The following TSPAN18 variants were observed in gnomAD, a reference collection of about 807,000 sequenced individuals.
TSPAN18 encodes the protein tetraspanin-18.
A neutral mutation model predicts 27.3 loss-of-function variants in TSPAN18; 14 were observed. The ratio of observed to expected loss-of-function variants is 0.51; its 90% CI spans 0.34 to 0.80. The LOEUF is 0.80. TSPAN18 is among the 30% of genes least tolerant of loss of function. TSPAN18 has a pLI of 0.01. For synonymous variants in TSPAN18, 143 were observed against 136.5 expected (o/e 1.05, Z -0.33); for missense variants, 268 against 323.9 (o/e 0.83, Z 1.32).
intron 3 of TSPAN18, among the ~76,000 whole-genome samples, chr11:44,900,816 C>T (rs1859235966): frequency 2.0e-5 from 3 of 150,854 alleles, no homozygotes; most frequent in Admixed American, 6.7e-5. Context: ...GCCTCAGCCT[C>T]CCGAGTTGCT....
intron 3 of TSPAN18, among the ~76,000 whole-genome samples, chr11:44,864,935 G>T (rs1367056668): frequency 6.6e-6 from 1 of 152,240 alleles, no homozygotes; most frequent in South Asian, 2.1e-4. Context: ...AGCAGAGCCT[G>T]CCATGTGGGG....
At chr11:44,875,671 G>T (rs1369465206) in intron 3 of TSPAN18, among the ~76,000 whole-genome samples, 1 of 152,220 alleles carries the variant, frequency 6.6e-6, no homozygotes, top group Non-Finnish European at 1.5e-5. Context: ...CATTGATCCA[G>T]ACTCAAGTCC....
intron 2 of TSPAN18, among the ~76,000 whole-genome samples, chr11:44,850,588 C>T (rs1398388116): frequency 1.3e-5 from 2 of 152,178 alleles, no homozygotes; most frequent in African/African-American, 4.8e-5. Flanking sequence ...CTGAGCCTTA[C>T]TCTGCCCCAG....
chr11:44,907,151 G>A (rs1018909011), intron 4 of TSPAN18, among the ~76,000 whole-genome samples: 78 of 150,502 alleles, frequency 5.2e-4, no homozygotes, highest in African/African-American at 1.5e-3. Context: ...GGACAGCCCC[G>A]GACATTCAGG....
intron 3 of TSPAN18, among the ~76,000 whole-genome samples, chr11:44,888,445 T>C (rs1223595846): frequency 6.6e-6 from 1 of 152,130 alleles, no homozygotes; most frequent in Admixed American, 6.5e-5. Context: ...TGAATCCTTA[T>C]TGGGGGGCAC....
intron 3 of TSPAN18, among the ~76,000 whole-genome samples, chr11:44,896,160 A>T (rs1345535177): frequency 6.6e-6 from 1 of 152,040 alleles, no homozygotes; most frequent in Non-Finnish European, 1.5e-5. Flanking sequence ...ATGGGGAGGA[A>T]TCTTTCACCC....
chr11:44,831,778 G>GT (rs1455922115), intron 2 of TSPAN18, among the ~76,000 whole-genome samples: 21 of 152,172 alleles, frequency 1.4e-4, no homozygotes, highest in Non-Finnish European at 2.2e-4. Flanking sequence ...ATAACATGAC[G>GT]TCATGCAGTG....
intron 1 of TSPAN18, among the ~76,000 whole-genome samples, chr11:44,758,862 C>T (rs1032304659): frequency 1.3e-5 from 2 of 152,148 alleles, no homozygotes; most frequent in African/African-American, 2.4e-5. Flanking sequence ...AACCACAGTG[C>T]TTTACATTGA....
chr11:44,799,894 G>A (rs536454556), intron 2 of TSPAN18, among the ~76,000 whole-genome samples: 2 of 152,070 alleles, frequency 1.3e-5, no homozygotes, highest in African/African-American at 2.4e-5. Context: ...GCAGTGGCAC[G>A]ATCTTGGCTC....
At chr11:44,909,569 A>T in intron 4 of TSPAN18, 136 bp from the exon 5 acceptor site, 1 of 825,894 alleles carries the variant, frequency 1.2e-6, no homozygotes, top group Non-Finnish European at 1.9e-6. Flanking sequence ...CTCTCGCCGC[A>T]GGTGAATTCC....
intron 2 of TSPAN18, among the ~76,000 whole-genome samples, chr11:44,839,264 A>T (rs1857321595): frequency 6.6e-6 from 1 of 151,806 alleles, no homozygotes; most frequent in African/African-American, 2.4e-5. Context: ...AGGGGCTTGG[A>T]CTCTGGGCCC....
At chr11:44,790,546 TTG>T (rs1342067500) in intron 2 of TSPAN18, among the ~76,000 whole-genome samples, 2 of 124,076 alleles carry the variant, frequency 1.6e-5, no homozygotes, top group South Asian at 2.7e-4. Flanking sequence ...GTGTGCATGT[TTG>T]TGTGTGCATG....
intron 1 of TSPAN18, among the ~76,000 whole-genome samples, chr11:44,749,797 C>T (rs576695817): frequency 3.8e-4 from 58 of 151,994 alleles, no homozygotes; most frequent in Non-Finnish European, 7.4e-4. Flanking sequence ...CTACCATGCC[C>T]GGCTAATTTT....
chr11:44,905,079 T>C (rs977095376), intron 3 of TSPAN18, among the ~76,000 whole-genome samples: 2 of 152,206 alleles, frequency 1.3e-5, no homozygotes, highest in Admixed American at 6.5e-5. Flanking sequence ...TTTAAATTGA[T>C]GAATAATAAT....
At chr11:44,752,287 G>A (rs1047573824) in intron 1 of TSPAN18, among the ~76,000 whole-genome samples, 6 of 152,340 alleles carry the variant, frequency 3.9e-5, no homozygotes, top group South Asian at 2.1e-4. Context: ...GACTTTAAAT[G>A]ACCAATCCAC....
chr11:44,801,936 G>A (rs1565155821), intron 2 of TSPAN18, among the ~76,000 whole-genome samples: 1 of 152,146 alleles, frequency 6.6e-6, no homozygotes, highest in Admixed American at 6.5e-5. Flanking sequence ...GAAGGCTGAG[G>A]TGGGAGGATT....
intron 2 of TSPAN18, among the ~76,000 whole-genome samples, chr11:44,771,026 G>T (rs1223591772): frequency 6.6e-6 from 1 of 152,122 alleles, no homozygotes; most frequent in African/African-American, 2.4e-5. Context: ...ATGCACCTGG[G>T]GTTCAGGGGT....
intron 2 of TSPAN18, among the ~76,000 whole-genome samples, chr11:44,764,715 A>G (rs1249342963): frequency 6.6e-6 from 1 of 152,108 alleles, no homozygotes; most frequent in Non-Finnish European, 1.5e-5. Flanking sequence ...GGTGAGGGCA[A>G]CGGGGCCACC....
rs1860520336 is a variant in TSPAN18, at chr11:44,930,476, G to C, written c.*1298G>C. On this transcript the variant is annotated 3_prime_UTR_variant, in exon 10 of 10. Coordinates refer to ENST00000520358, the MANE Select transcript of TSPAN18 (RefSeq NM_130783.5). ...ACTCCCCTGAGCCCTCTTCTCTCCA[G>C]GCTAAAGAATCCCGAAGGCATCGAG... 1 of 238,072 alleles carries C rather than the reference G, an allele frequency of 4.2e-6. No individual in the cohort carries two copies. Among genetic ancestry groups the C allele is most frequent in the South Asian group, 5.1e-5 (1 of 19,656 alleles). 14.7% of individuals were successfully genotyped at this position (238,072 alleles called of 1,614,324 possible).
Sources: gnomAD v4.1 joint callset for allele counts (sites outside exome capture counted in the v4.1 genomes callset) on GRCh38, gnomAD v4.1.1 for gene constraint, MANE v1.5 for transcripts, NCBI Gene and HGNC (gene_info 2026-07-23, HGNC 2026-07-21) for gene names.